Variants in DUSP5 observed in about 807,000 individuals in gnomAD.
The protein encoded by DUSP5 is dual specificity protein phosphatase 5.
A neutral mutation model predicts 33.6 loss-of-function variants in DUSP5; 22 were observed. That is an observed-to-expected ratio of 0.66 (90% CI 0.47 to 0.94). The LOEUF (loss-of-function observed/expected upper bound fraction) is 0.94. DUSP5 is among the 40% of genes least tolerant of loss of function. DUSP5 has a pLI of 0.00. For synonymous variants in DUSP5, 270 were observed against 231.1 expected (o/e 1.17, Z -1.53); for missense variants, 551 against 522.1 (o/e 1.06, Z -0.54).
rs1034800590 is a variant in DUSP5 at position 110,506,998 on chromosome 10, G to A, written c.592G>A (p.Glu198Lys). 14 of 1,614,226 alleles carry A rather than the reference G, an allele frequency of 8.7e-6. No individual in the cohort carries two copies. The highest frequency in any genetic ancestry group is 2.2e-5 in the South Asian group (2 of 91,082). ...AAGTGCCTACCATGCATCCAAGTGC[G>A]AGTTCCTCGCCAACCTGCACATCAC... is the stretch of plus-strand genomic sequence containing the variant. ...LGSAYHASKCEFLANLHITAL... is the reference protein window; with the variant it reads ...LGSAYHASKCKFLANLHITAL... Residue 198 changes from glutamate (E) to lysine (K), a missense_variant, in exon 3 of 4, where the codon GAG becomes AAG. Glu to Lys is a moderately conservative substitution (Grantham distance 56). Transcript: ENST00000369583.
intron 1 of DUSP5, among the ~76,000 whole-genome samples, chr10:110,501,972 G>T (rs959699442): frequency 6.6e-6 from 1 of 151,640 alleles, no homozygotes; most frequent in Non-Finnish European, 1.5e-5. Flanking sequence ...GATTGGGGGG[G>T]GGGTGCAGGA....
rs374147183 is a variant in DUSP5, at chr10:110,499,114, C to T, written c.379+614C>T. 1.1e-3 allele frequency among the ~76,000 whole-genome samples: 166 copies of T among 152,242 alleles called. 3 individuals are homozygous for T. The South Asian group carries it at 0.031, about 29-fold the overall frequency. On this transcript the variant is annotated intron_variant, in intron 1 of 3. Transcript: ENST00000369583. Reference sequence around the variant, plus strand: ...GCTCACATCCTTTCCACCCTTTTCACCTCCTCCTTCCTCCGCCCCAGGATT... The same window carrying T: ...GCTCACATCCTTTCCACCCTTTTCATCTCCTCCTTCCTCCGCCCCAGGATT...
At chr10:110,504,238 GA>G (rs1410942585) in intron 2 of DUSP5, among the ~76,000 whole-genome samples, 2 of 152,236 alleles carry the variant, frequency 1.3e-5, no homozygotes, top group Non-Finnish European at 2.9e-5. Flanking sequence ...TGAGGGGTGA[GA>G]AAGCCCTGAT....
rs142624976 is a variant in DUSP5 at position 110,510,862 on chromosome 10, A to G, written c.*436A>G. On this transcript the variant is annotated 3_prime_UTR_variant, in exon 4 of 4. Transcript: ENST00000369583. ...TATTTTTTGAACTTTGGCAGTTTCA[A>G]TGTCTGTCTCTGTTGCTTCGGGGCA... 8.1e-3 allele frequency: 1,323 copies of G among 162,806 alleles called. 6 individuals carry two copies. The highest frequency in any genetic ancestry group is 0.013 in the Non-Finnish European group (982 of 74,652). 10.1% of individuals were successfully genotyped at this position (162,806 alleles called of 1,614,324 possible). A position where few individuals can be genotyped will look rare whatever the true frequency, so the allele number is the denominator to read the frequency against.
chr10:110,504,084 C>T (rs1456510667), intron 2 of DUSP5, among the ~76,000 whole-genome samples: 2 of 152,192 alleles, frequency 1.3e-5, no homozygotes, highest in African/African-American at 2.4e-5. Flanking sequence ...GAGCCTGTGG[C>T]TTTCAAGCTG....
intron 2 of DUSP5, among the ~76,000 whole-genome samples, chr10:110,506,486 A>G (rs1348856498): frequency 6.6e-6 from 1 of 152,152 alleles, no homozygotes; most frequent in Non-Finnish European, 1.5e-5. Context: ...GTAAAGGAGG[A>G]CACACACCAT....
At chr10:110,499,210 T>G (rs1407291393) in intron 1 of DUSP5, among the ~76,000 whole-genome samples, 1 of 151,446 alleles carries the variant, frequency 6.6e-6, no homozygotes, top group Non-Finnish European at 1.5e-5. Flanking sequence ...GGGGGCAGGG[T>G]GGTATGGAGA....
At chr10:110,505,799 C>T (rs1400144057) in intron 2 of DUSP5, among the ~76,000 whole-genome samples, 1 of 152,154 alleles carries the variant, frequency 6.6e-6, no homozygotes, top group East Asian at 1.9e-4. Flanking sequence ...GCTGTGACTG[C>T]CAGAGTCTAA....
chr10:110,508,548 G>A (rs1179334156), intron 3 of DUSP5, among the ~76,000 whole-genome samples: 2 of 152,150 alleles, frequency 1.3e-5, no homozygotes, highest in African/African-American at 4.8e-5. Flanking sequence ...AGTGAGCCAT[G>A]TGCTGAATAT....
chr10:110,510,549 TAGTG>T lies in DUSP5; in HGVS notation c.*128_*131del. ...ATTCTGTCATGCTGCCCCAGTGAGA[TAGTG>T]AGTGGTCACCAGGCTTGCAAATGAA... is the stretch of plus-strand genomic sequence containing the variant. On this transcript the variant is annotated 3_prime_UTR_variant, in exon 4 of 4. Transcript: ENST00000369583. The T allele has an allele frequency of 2.3e-6, 3 of 1,299,724 alleles. No homozygotes were observed. The highest frequency in any genetic ancestry group is 3.1e-6 in the Non-Finnish European group (3 of 976,792). 80.5% of individuals were successfully genotyped at this position (1,299,724 alleles called of 1,614,324 possible).
intron 2 of DUSP5, among the ~76,000 whole-genome samples, chr10:110,503,921 A>G (rs1349346766): frequency 1.3e-5 from 2 of 152,254 alleles, no homozygotes; most frequent in Non-Finnish European, 2.9e-5. Context: ...CCTGCCATGA[A>G]CAAAACCCTG....
At chr10:110,504,772 C>T (rs1305558311) in intron 2 of DUSP5, among the ~76,000 whole-genome samples, 1 of 152,228 alleles carries the variant, frequency 6.6e-6, no homozygotes, top group East Asian at 1.9e-4. Context: ...AAGCCATGTT[C>T]TGTTCATTCT....
At chr10:110,501,187 A>T (rs1860042767) in intron 1 of DUSP5, among the ~76,000 whole-genome samples, 1 of 152,158 alleles carries the variant, frequency 6.6e-6, no homozygotes, top group Admixed American at 6.5e-5. Context: ...GGTCATTGTG[A>T]GCCTGCCTCA....
chr10:110,510,607 G>C lies in DUSP5; in HGVS notation c.*181G>C. 2.3e-6 allele frequency: 2 copies of C among 856,158 alleles called. No individual in the cohort carries two copies. Among genetic ancestry groups the C allele is most frequent in the Non-Finnish European group, 3.5e-6 (2 of 579,062 alleles). 53.0% of individuals were successfully genotyped at this position (856,158 alleles called of 1,614,324 possible). A position where few individuals can be genotyped will look rare whatever the true frequency, so the allele number is the denominator to read the frequency against. The stretch of plus-strand genomic sequence containing the variant: ...CAGACGGACCTCAGGGTAGGTTCTC[G>C]GGACTGAAGGAAGGCCAAGCCATTA... On this transcript the variant is annotated 3_prime_UTR_variant, in exon 4 of 4. Coordinates refer to ENST00000369583, the MANE Select transcript of DUSP5 (RefSeq NM_004419.4).
chr10:110,506,939 G>A lies in DUSP5; in HGVS notation c.533G>A (p.Gly178Asp). 6.2e-7 allele frequency: 1 copy of A among 1,614,130 alleles called. No individual in the cohort carries two copies. Among genetic ancestry groups the A allele is most frequent in the Non-Finnish European group, 8.5e-7 (1 of 1,179,990 alleles). ...VSYRPAYDQG[G>D]PVEILPFLYL... ...GTCCTTTGTCCCTGCATCCAGGGTG[G>A]CCCAGTTGAAATCCTTCCCTTCCTC... is the stretch of plus-strand genomic sequence containing the variant. Residue 178 changes from glycine to aspartate, a missense_variant, in exon 3 of 4, where the codon GGC becomes GAC. Gly to Asp is a moderately conservative substitution (Grantham distance 94, BLOSUM62 -1). This residue lies in a region of DUSP5 where 381 missense variants were observed against 310.4 expected (regional missense o/e 1.23). Coordinates refer to ENST00000369583, the MANE Select transcript of DUSP5 (RefSeq NM_004419.4).
At chr10:110,506,198 G>A (rs549756972) in intron 2 of DUSP5, among the ~76,000 whole-genome samples, 27 of 152,240 alleles carry the variant, frequency 1.8e-4, no homozygotes, top group Middle Eastern at 6.8e-3. Flanking sequence ...AGGAGGCTGA[G>A]GTAGGAAGAT....
intron 2 of DUSP5, among the ~76,000 whole-genome samples, chr10:110,503,132 G>A (rs1338830969): frequency 2.0e-5 from 3 of 152,150 alleles, no homozygotes; most frequent in East Asian, 3.8e-4. Context: ...CAGCTTCTGG[G>A]GAAAAGGGGA....
rs1416761643 is a variant in DUSP5, at chr10:110,498,150, A to T, written c.29A>T (p.Gln10Leu). 4.8e-6 allele frequency: 7 copies of T among 1,461,008 alleles called. No homozygotes were observed. In the South Asian group the frequency reaches 7.4e-5, roughly 16 times the overall value. 90.5% of individuals were successfully genotyped at this position (1,461,008 alleles called of 1,614,324 possible). ...AAGGTCACGTCGCTCGACGGGCGCC[A>T]GCTGCGCAAGATGCTCCGCAAGGAG... Reference protein sequence around the residue: MKVTSLDGRQLRKMLRKEAA... With the variant: MKVTSLDGRLLRKMLRKEAA... Residue 10 changes from glutamine to leucine, a missense_variant, in exon 1 of 4, where the codon CAG (glutamine) becomes CTG (leucine). Around this residue, in one of 3 missense-constraint regions of DUSP5, gnomAD observed 381 missense variants for 310.4 expected, o/e 1.23. Coordinates refer to ENST00000369583, the MANE Select transcript of DUSP5 (RefSeq NM_004419.4).
At chr10:110,500,065 T>G (rs1454312945) in intron 1 of DUSP5, among the ~76,000 whole-genome samples, 1 of 152,198 alleles carries the variant, frequency 6.6e-6, no homozygotes, top group Admixed American at 6.5e-5. Flanking sequence ...GAGAAGCGGG[T>G]CTTCTGCATA....
Sources: gnomAD v4.1 joint callset for allele counts (sites outside exome capture counted in the v4.1 genomes callset) on GRCh38, gnomAD v4.1.1 for gene constraint, gnomAD v4.1.1 regional missense constraint, MANE v1.5 for transcripts, NCBI Gene and HGNC (gene_info 2026-07-23, HGNC 2026-07-21) for gene names.